MYO1D: variants seen among roughly 807,000 people sequenced by gnomAD.
The protein encoded by MYO1D is myosin ID.
Under a neutral mutation model 122.0 loss-of-function variants are expected in MYO1D, and 83 were observed. That is an observed-to-expected ratio of 0.68 (90% confidence interval 0.57 to 0.82). The LOEUF (loss-of-function observed/expected upper bound fraction) is 0.82, where lower values mean the gene tolerates loss of function less well. MYO1D is among the 40% of genes least tolerant of loss of function. The pLI is 0.00. For missense variants in MYO1D, 1,157 were observed against 1,269.5 expected, an observed-to-expected ratio of 0.91 and a Z score of 1.35; for synonymous variants, 464 against 446.9, an observed-to-expected ratio of 1.04 and a Z score of -0.48.
At chr17:32,524,564 CTTTTTT>C (rs11323072) in intron 21 of MYO1D, among the ~76,000 whole-genome samples, 2 of 119,306 alleles carry the variant, frequency 1.7e-5, no homozygotes, top group African/African-American at 6.3e-5. Context: ...CTGATTAATT[CTTTTTT>C]TTTTTTTTTT....
intron 19 of MYO1D, among the ~76,000 whole-genome samples, chr17:32,650,110 C>CTTTA (rs1464761536): frequency 1.3e-5 from 2 of 152,172 alleles, no homozygotes; most frequent in African/African-American, 4.8e-5. Context: ...GGATGACTTC[C>CTTTA]TTTAACATTT....
rs560953120 is a variant in MYO1D at position 32,864,007 on chromosome 17, C to CTTTTTTTTTTTTTTTTTTTT, written c.95+12751_95+12770dup. On this transcript the variant is annotated intron_variant, in intron 1 of 21. Coordinates refer to ENST00000318217, the MANE Select transcript of MYO1D (RefSeq NM_015194.3). ...TAATTTTGGTTACAAACATTTCTTC[C>CTTTTTTTTTTTTTTTTTTTT]TTTTTTTTTTTTTTTTTTTTTTTTT... Among the ~76,000 whole-genome samples the CTTTTTTTTTTTTTTTTTTTT allele has an allele frequency of 1.0e-4, 5 of 48,976 alleles. 1 individual carries two copies. The highest frequency in any genetic ancestry group is 4.2e-4 in the African/African-American group (4 of 9,626). 32.1% of individuals were successfully genotyped at this position (48,976 alleles called of 152,430 possible).
At chr17:32,678,918 C>G (rs1477035086) in intron 16 of MYO1D, among the ~76,000 whole-genome samples, 4 of 149,726 alleles carry the variant, frequency 2.7e-5, no homozygotes, top group East Asian at 1.9e-4. Flanking sequence ...TCTCCAGCAC[C>G]TGTTGTTTCC....
chr17:32,773,036 C>T (rs925478099), intron 4 of MYO1D, among the ~76,000 whole-genome samples, 194 bp from the exon 5 acceptor site: 3 of 152,280 alleles, frequency 2.0e-5, no homozygotes, highest in Admixed American at 1.3e-4. Flanking sequence ...CATTTGGTGC[C>T]GTGACTTGGA....
At chr17:32,766,979 CATTT>C (rs777048884) in intron 7 of MYO1D, among the ~76,000 whole-genome samples, 161 of 152,266 alleles carry the variant, frequency 1.1e-3, no homozygotes, top group Middle Eastern at 3.4e-3. Context: ...ATTTCTGATT[CATTT>C]AGAGTTAAAT....
chr17:32,524,234 C>G (rs1458262900), intron 21 of MYO1D, among the ~76,000 whole-genome samples: 1 of 152,144 alleles, frequency 6.6e-6, no homozygotes, highest in Non-Finnish European at 1.5e-5. Flanking sequence ...CATCATTTTG[C>G]TTTTGTCTTT....
rs138913583 is a variant in MYO1D at position 32,669,822 on chromosome 17, T to C, written c.2122-10484A>G. Among the ~76,000 whole-genome samples, 53 of 152,260 alleles carry C rather than the reference T, an allele frequency of 3.5e-4. 1 individual carries two copies. The East Asian group carries it at 0.01, about 29-fold the overall frequency. On this transcript the variant is annotated intron_variant, in intron 16 of 21. Transcript: ENST00000318217. ...TTAAAAGTCAAAGCAGTAACAGAAATGGGGTATTTTATACACATTTTATTT... is the reference window on the plus strand; with the variant it reads ...TTAAAAGTCAAAGCAGTAACAGAAACGGGGTATTTTATACACATTTTATTT...
chr17:32,549,872 C>T (rs1196310596), intron 21 of MYO1D, among the ~76,000 whole-genome samples: 1 of 152,170 alleles, frequency 6.6e-6, no homozygotes, highest in Non-Finnish European at 1.5e-5. Context: ...CTCACAGACA[C>T]ACCCAGGATC....
At chr17:32,795,688 C>T (rs2090408017) in intron 1 of MYO1D, among the ~76,000 whole-genome samples, 1 of 151,982 alleles carries the variant, frequency 6.6e-6, no homozygotes, top group Non-Finnish European at 1.5e-5. Flanking sequence ...TCTTCTCAGG[C>T]CCAGTTCCAA....
chr17:32,739,479 A>G (rs62068432), intron 13 of MYO1D, among the ~76,000 whole-genome samples: 20,590 of 126,794 alleles, frequency 0.16, 1,914 homozygotes, highest in Middle Eastern at 0.3. Context: ...AACGTCACAC[A>G]CCAAGGCCTG....
chr17:32,688,115 G>A (rs907146475), intron 16 of MYO1D, among the ~76,000 whole-genome samples: 1 of 152,106 alleles, frequency 6.6e-6, no homozygotes, highest in Admixed American at 6.6e-5. Context: ...CATAGCTTGG[G>A]AGGAACATTC....
intron 1 of MYO1D, among the ~76,000 whole-genome samples, chr17:32,825,995 G>C (rs2090718828): frequency 6.8e-6 from 1 of 148,074 alleles, no homozygotes; most frequent in South Asian, 2.1e-4. Context: ...CTTGCAGTGA[G>C]CTATGATGGT....
rs374318089 is a variant in MYO1D, at chr17:32,710,854, A to G, written c.2121+1134T>C. On this transcript the variant is annotated intron_variant, in intron 16 of 21. Transcript: ENST00000318217. ...ACTCAAAGGTAATCAGAGAAATACA[A>G]AGTAAAACAACAATGAGATATCATT... 3.9e-5 allele frequency among the ~76,000 whole-genome samples: 6 copies of G among 152,326 alleles called. No individual in the cohort carries two copies. In the South Asian group the frequency reaches 1.2e-3, roughly 32 times the overall value.
chr17:32,599,603 A>G (rs1301080236), intron 21 of MYO1D, among the ~76,000 whole-genome samples: 1 of 152,184 alleles, frequency 6.6e-6, no homozygotes, highest in Non-Finnish European at 1.5e-5. Flanking sequence ...GCCCAGATCC[A>G]TCAGAGGAAT....
chr17:32,875,230 T>C (rs1349116804), intron 1 of MYO1D, among the ~76,000 whole-genome samples: 1 of 152,180 alleles, frequency 6.6e-6, no homozygotes, highest in African/African-American at 2.4e-5. Flanking sequence ...AGCACACAAC[T>C]TATTTCCTGT....
intron 21 of MYO1D, among the ~76,000 whole-genome samples, chr17:32,582,625 G>C (rs144644882): frequency 8.2e-4 from 124 of 151,940 alleles, no homozygotes; most frequent in African/African-American, 2.9e-3. Flanking sequence ...TGATGCTGTT[G>C]GGCAGAATGT....
At chr17:32,823,859 G>A (rs1057342436) in intron 1 of MYO1D, among the ~76,000 whole-genome samples, 1 of 151,752 alleles carries the variant, frequency 6.6e-6, no homozygotes, top group African/African-American at 2.4e-5. Flanking sequence ...AGAGGTCAGG[G>A]GATCGAGACC....
At chr17:32,876,171 T>C (rs961524468) in intron 1 of MYO1D, among the ~76,000 whole-genome samples, 1 of 151,978 alleles carries the variant, frequency 6.6e-6, no homozygotes, top group African/African-American at 2.4e-5. Flanking sequence ...ACGTGTCTAA[T>C]TACGTTTAGA....
At chr17:32,868,237 C>T (rs983232697) in intron 1 of MYO1D, among the ~76,000 whole-genome samples, 2 of 152,130 alleles carry the variant, frequency 1.3e-5, no homozygotes, top group Non-Finnish European at 2.9e-5. Context: ...TGAGTATCTA[C>T]TATGCTTCAG....
Sources: allele counts gnomAD v4.1 joint callset (sites outside exome capture counted in the v4.1 genomes callset), GRCh38; gene constraint gnomAD v4.1.1; transcripts MANE v1.5; gene names NCBI Gene and HGNC (gene_info 2026-07-23, HGNC 2026-07-21).